Variants in HGS observed in about 807,000 individuals in gnomAD.
The protein encoded by HGS is human growth factor-regulated tyrosine kinase substrate.
HGS carries 63 observed loss-of-function variants against 109.7 expected under a neutral mutation model. That is an observed-to-expected ratio of 0.57 (90% CI 0.47 to 0.71). HGS has a LOEUF of 0.71. Among genes scored for constraint, HGS ranks in the 30% least tolerant of loss-of-function variants. The pLI, the probability that HGS is intolerant of heterozygous loss-of-function variation, is 0.00. For synonymous variants in HGS, 546 were observed against 437.3 expected, an observed-to-expected ratio of 1.25 and a Z score of -3.10; for missense variants, 995 against 1,068.3, an observed-to-expected ratio of 0.93 and a Z score of 0.96.
intron 2 of HGS, 45 bp from the exon 3 acceptor site, chr17:81,686,266 AT>A (rs2036977686): frequency 5.9e-6 from 9 of 1,524,446 alleles, no homozygotes; most frequent in African/African-American, 1.4e-5. Context: ...TGCTGAGACT[AT>A]TTTTTTCCCG....
At position 81,688,820 on chromosome 17, in the gene HGS, G is replaced by T. The variant is rs1452249760; in HGVS notation, c.408G>T (p.Lys136Asn). 1 of 1,614,052 alleles carries T rather than the reference G, an allele frequency of 6.2e-7. No homozygotes were observed. The highest frequency in any genetic ancestry group is 8.5e-7 in the Non-Finnish European group (1 of 1,180,014). The change falls in exon 5 of 22, where the codon AAG becomes AAT. Residue 136 changes from lysine to asparagine, a missense_variant. Coordinates refer to ENST00000329138, the MANE Select transcript of HGS (RefSeq NM_004712.5). ...TCCAGGACACCTACCAGATCATGAAGGTGGAGGGTGAGTCAGGACTGAGGT... is the reference window on the plus strand; with the variant it reads ...TCCAGGACACCTACCAGATCATGAATGTGGAGGGTGAGTCAGGACTGAGGT... Reference protein sequence around the residue: ...KVVQDTYQIMKVEGHVFPEFK... With the variant: ...KVVQDTYQIMNVEGHVFPEFK...
rs1220695955 is a variant in HGS at position 81,702,101 on chromosome 17, T to G, written c.*483T>G. ...GTGCCCCAGAATGGTACAGCGATAA[T>G]AAAATGTATTTCAGAAAGCATCAGC... On this transcript the variant is annotated 3_prime_UTR_variant, in exon 22 of 22. Transcript: ENST00000329138. 6.5e-6 allele frequency: 1 copy of G among 154,848 alleles called. No homozygotes were observed. The highest frequency in any genetic ancestry group is 6.5e-5 in the Admixed American group (1 of 15,330). The allele number at this position is 154,848 out of a possible 1,614,324, so 9.6% of individuals were successfully genotyped here.
rs370361548 is a variant in HGS, at chr17:81,686,985, C to T, written c.199-18C>T. 16 of 1,607,634 alleles carry T rather than the reference C, an allele frequency of 1.0e-5. No individual in the cohort carries two copies. The highest frequency in any genetic ancestry group is 1.4e-5 in the Non-Finnish European group (16 of 1,176,152). Reference sequence around the variant, plus strand: ...CCCTGACCACTGGCCCAACCCTTCCCTTCCTGGGCATCTGCAGGTCATGGA... The same window carrying T: ...CCCTGACCACTGGCCCAACCCTTCCTTTCCTGGGCATCTGCAGGTCATGGA... On this transcript the variant is annotated intron_variant, in intron 3 of 21. Transcript: ENST00000329138.
chr17:81,700,464 C>T lies in HGS; in HGVS notation c.1883-3C>T. On this transcript the variant is annotated splice_region_variant and splice_polypyrimidine_tract_variant and intron_variant, in intron 18 of 21. Coordinates refer to ENST00000329138, the MANE Select transcript of HGS (RefSeq NM_004712.5). ...ACCATCTCCCCTGTCTTGTTTGTCA[C>T]AGATCCCAGCATGGTGAGTGCCTAC... is the stretch of plus-strand genomic sequence containing the variant. 6.4e-7 allele frequency: 1 copy of T among 1,554,388 alleles called. No homozygotes were observed. The highest frequency in any genetic ancestry group is 8.7e-7 in the Non-Finnish European group (1 of 1,147,734).
chr17:81,695,900 A>G lies in HGS; in HGVS notation c.1294A>G (p.Ser432Gly). 6.2e-7 allele frequency: 1 copy of G among 1,611,770 alleles called. No individual in the cohort carries two copies. Among genetic ancestry groups the G allele is most frequent in the Non-Finnish European group, 8.5e-7 (1 of 1,178,656 alleles). ...RMKSNHMRGR[S>G]ITNDSAVLSL... ...GAAGAGTAACCACATGCGGGGCCGC[A>G]GCATCACCAATGACTCGGCCGTGCT... The change falls in exon 15 of 22, where the codon AGC becomes GGC. Residue 432 changes from serine (S) to glycine (G), a missense_variant. Ser to Gly is a moderately conservative substitution (Grantham distance 56, BLOSUM62 0). This residue lies in a region of HGS where 163 missense variants were observed against 217.8 expected (regional missense o/e 0.75). Transcript: ENST00000329138.
At chr17:81,684,585 T>C (rs114961427) in intron 1 of HGS, 2,040 of 156,588 alleles carry the variant, frequency 0.013, 69 homozygotes, top group African/African-American at 0.046. Flanking sequence ...CCACCTTTTG[T>C]TCCCACACTG....
intron 4 of HGS, 87 bp downstream of exon 4, chr17:81,687,182 C>T: frequency 1.1e-6 from 1 of 884,810 alleles, no homozygotes; most frequent in Non-Finnish European, 1.8e-6. Context: ...GACAGAACAG[C>T]ACCAGGTGTG....
At position 81,691,208 on chromosome 17, in the gene HGS, T is replaced by C; in HGVS notation, c.538-239T>C. On this transcript the variant is annotated intron_variant, in intron 7 of 21. Transcript: ENST00000329138. The surrounding 1 kb of genome is among the most constrained non-coding windows in gnomAD (Gnocchi z 5.3). ...ATCAGCAGAATTGATGTGTATTTTT[T>C]CCTTGCCCTTACTTTTAACTTACCT... is the stretch of plus-strand genomic sequence containing the variant. 2 of 543,342 alleles carry C rather than the reference T, an allele frequency of 3.7e-6. No homozygotes were observed. The highest frequency in any genetic ancestry group is 3.3e-6 in the Non-Finnish European group (1 of 301,378). 33.7% of individuals were successfully genotyped at this position (543,342 alleles called of 1,614,324 possible).
intron 5 of HGS, among the ~76,000 whole-genome samples, chr17:81,689,920 G>A (rs1259076669): frequency 6.6e-6 from 1 of 152,234 alleles, no homozygotes. Context: ...GGCCACGCAG[G>A]GGCCTCATGC....
At chr17:81,700,628 C>G (rs1196972528) in intron 19 of HGS, 28 bp downstream of exon 19, 1 of 1,590,526 alleles carries the variant, frequency 6.3e-7, no homozygotes, top group East Asian at 2.3e-5. Context: ...TCCTCTCCTT[C>G]CAGGGCCAGC....
At chr17:81,690,264 G>C in intron 6 of HGS, 30 bp downstream of exon 6, 9 of 1,611,834 alleles carry the variant, frequency 5.6e-6, no homozygotes, top group Non-Finnish European at 7.6e-6. Flanking sequence ...AGGGGTTCTG[G>C]AGTCGGGCTG....
chr17:81,690,898 G>A, intron 7 of HGS, 156 bp downstream of exon 7: 1 of 602,986 alleles, frequency 1.7e-6, no homozygotes, highest in Non-Finnish European at 2.9e-6. Context: ...TCAGGAGGGG[G>A]ACAGTGAGGG....
At chr17:81,690,865 T>C (rs1389655778) in intron 7 of HGS, 123 bp downstream of exon 7, 2 of 776,838 alleles carry the variant, frequency 2.6e-6, no homozygotes, top group Non-Finnish European at 4.0e-6. Flanking sequence ...TGAGTGCAGC[T>C]CGCAGCGGGT....
rs1038725733 is a variant in HGS at position 81,693,442 on chromosome 17, C to A, written c.663-61C>A. The A allele has an allele frequency of 1.5e-5, 19 of 1,307,114 alleles. No homozygotes were observed. The South Asian group carries it at 2.2e-4, about 15-fold the overall frequency. 81.0% of individuals were successfully genotyped at this position (1,307,114 alleles called of 1,614,324 possible). On this transcript the variant is annotated intron_variant, in intron 8 of 21. Transcript: ENST00000329138. ...GAGCCCGCAGAGGTGTGGTTGAGAG[C>A]TTTGGCGGGGGCAGGGCGGTGTCAG...
At chr17:81,690,521 G>T in intron 6 of HGS, 153 bp from the exon 7 acceptor site, 2 of 702,340 alleles carry the variant, frequency 2.8e-6, no homozygotes, top group South Asian at 3.9e-5. Context: ...TTCACCCCAG[G>T]CCACGCCGCT....
Position 81,691,409 on chromosome 17 carries a change from C to T in HGS, c.538-38C>T. 1.2e-6 allele frequency: 2 copies of T among 1,611,928 alleles called. No individual in the cohort carries two copies. Among genetic ancestry groups the T allele is most frequent in the Non-Finnish European group, 1.7e-6 (2 of 1,179,440 alleles). On this transcript the variant is annotated intron_variant, in intron 7 of 21. Coordinates refer to ENST00000329138, the MANE Select transcript of HGS (RefSeq NM_004712.5). The surrounding 1 kb of genome is among the most constrained non-coding windows in gnomAD (Gnocchi z 5.3). ...GGCCGGGTGGCGCATCAGGGTCCCCCAGTGCCTGTGACCAGGCCCGCCCGC... is the reference window on the plus strand; with the variant it reads ...GGCCGGGTGGCGCATCAGGGTCCCCTAGTGCCTGTGACCAGGCCCGCCCGC...
chr17:81,695,597 G>A, intron 14 of HGS, 189 bp from the exon 15 acceptor site: 1 of 624,940 alleles, frequency 1.6e-6, no homozygotes. Flanking sequence ...CCTGACCAGG[G>A]CTTGCAGCTG....
Position 81,701,568 on chromosome 17 carries a change from C to G in HGS, c.2284C>G (p.Gln762Glu), listed in dbSNP as rs2037237867. 1 of 1,571,228 alleles carries G rather than the reference C, an allele frequency of 6.4e-7. No homozygotes were observed. The highest frequency in any genetic ancestry group is 8.6e-7 in the Non-Finnish European group (1 of 1,165,784). ...QPPVAQQPQA[Q>E]GPPAQGSEAQ... is the part of the protein sequence containing the mutation. Reference sequence around the variant, plus strand: ...CCCCGTGGCCCAGCAACCGCAGGCACAGGGGCCGCCGGCACAGGGCAGCGA... The same window carrying G: ...CCCCGTGGCCCAGCAACCGCAGGCAGAGGGGCCGCCGGCACAGGGCAGCGA... Residue 762 changes from glutamine (Q) to glutamate (E), a missense_variant, in exon 22 of 22, where the codon CAG becomes GAG. This residue lies in a region of HGS where 326 missense variants were observed against 309.7 expected (regional missense o/e 1.05). Transcript: ENST00000329138.
chr17:81,696,139 C>G (rs1568217559), intron 15 of HGS, 140 bp downstream of exon 15: 1 of 925,806 alleles, frequency 1.1e-6, no homozygotes, highest in Non-Finnish European at 1.6e-6. Context: ...AGAGTGTCAA[C>G]AGGAGGTGGT....
Sources: gnomAD v4.1 joint callset for allele counts (sites outside exome capture counted in the v4.1 genomes callset) on GRCh38, gnomAD v4.1.1 for gene constraint, gnomAD v4.1.1 regional missense constraint, Gnocchi (gnomAD v3.1) non-coding constraint, MANE v1.5 for transcripts, NCBI Gene and HGNC (gene_info 2026-07-23, HGNC 2026-07-21) for gene names.